VPS13D: variants seen among roughly 807,000 people sequenced by gnomAD.
The protein encoded by VPS13D is intermembrane lipid transfer protein VPS13D.
A neutral mutation model predicts 461.9 loss-of-function variants in VPS13D; 187 were observed. The ratio of observed to expected loss-of-function variants is 0.40; its 90% CI spans 0.36 to 0.46. VPS13D has a LOEUF of 0.46. Ranked by LOEUF, VPS13D falls within the 20% of genes least tolerant of loss-of-function variation. The pLI is 0.60. For synonymous variants in VPS13D, 1,951 were observed against 1,986.3 expected (o/e 0.98, Z 0.47); for missense variants, 4,711 against 5,364.9 (o/e 0.88, Z 3.81).
chr1:12,488,164 ATT>A (rs1176292316), intron 67 of VPS13D, among the ~76,000 whole-genome samples: 4 of 152,250 alleles, frequency 2.6e-5, no homozygotes, highest in Admixed American at 2.6e-4. Flanking sequence ...TCCAGATACA[ATT>A]TTAAATACTG....
At chr1:12,250,843 A>AGATCCCAGCCATGCTCATTAGT (rs1249421770) in intron 6 of VPS13D, among the ~76,000 whole-genome samples, 1 of 152,276 alleles carries the variant, frequency 6.6e-6, no homozygotes, top group African/African-American at 2.4e-5. Flanking sequence ...AAGGTTTATT[A>AGATCCCAGCCATGCTCATTAGT]GATCCCAGCC....
chr1:12,390,948 C>G (rs1319674232), intron 60 of VPS13D, among the ~76,000 whole-genome samples: 1 of 152,190 alleles, frequency 6.6e-6, no homozygotes, highest in African/African-American at 2.4e-5. Context: ...TCCTCCTCTG[C>G]TGAGGTCACC....
intron 2 of VPS13D, among the ~76,000 whole-genome samples, chr1:12,235,207 C>T (rs1294403162): frequency 6.6e-6 from 1 of 152,148 alleles, no homozygotes; most frequent in Non-Finnish European, 1.5e-5. Flanking sequence ...TGGACCAGAG[C>T]AGGTTAGAGA....
At chr1:12,242,738 C>CT (rs1640419166) in intron 3 of VPS13D, 148 bp downstream of exon 3, 3 of 679,254 alleles carry the variant, frequency 4.4e-6, no homozygotes, top group Admixed American at 2.8e-5. Context: ...AAAGTGTGGT[C>CT]TTTGGGCCAC....
intron 66 of VPS13D, 27 bp from the exon 67 acceptor site, chr1:12,460,174 T>G: frequency 6.5e-7 from 1 of 1,537,196 alleles, no homozygotes; most frequent in South Asian, 1.3e-5. Flanking sequence ...CTCGTCAGGT[T>G]ACAACAGCCC....
Position 12,319,508 on chromosome 1 carries a change from G to A in VPS13D, c.7426G>A (p.Val2476Met). ...GTTGTCCTTTCCAGGTACGGAGTTT[G>A]TGGTCATTGAAGATGTGTCCTGCTT... ...VKVNVTGTEF[V>M]VIEDVSCFDT... Residue 2476 changes from valine (V) to methionine (M), a missense_variant, in exon 32 of 70, where the codon GTG (valine) becomes ATG (methionine). Val to Met is a conservative substitution (Grantham distance 21, BLOSUM62 1). This residue lies in a region of VPS13D where 4,411 missense variants were observed against 4,937.8 expected (regional missense o/e 0.89). Transcript: ENST00000620676. 6.2e-7 allele frequency: 1 copy of A among 1,614,104 alleles called. No homozygotes were observed. Among genetic ancestry groups the A allele is most frequent in the Non-Finnish European group, 8.5e-7 (1 of 1,179,978 alleles).
chr1:12,267,780 G>C, intron 14 of VPS13D, 65 bp from the exon 15 acceptor site: 1 of 1,439,406 alleles, frequency 6.9e-7, no homozygotes, highest in Non-Finnish European at 9.8e-7. Context: ...GGTAAGATGG[G>C]TTTGTTTAGT....
intron 47 of VPS13D, among the ~76,000 whole-genome samples, chr1:12,355,581 A>AT (rs902653400): frequency 2.0e-5 from 3 of 151,474 alleles, no homozygotes; most frequent in South Asian, 2.1e-4. Flanking sequence ...TAAAAATTTA[A>AT]TTTTTTTTTG....
intron 13 of VPS13D, among the ~76,000 whole-genome samples, chr1:12,264,321 A>C (rs894707690): frequency 2.0e-5 from 3 of 152,236 alleles, no homozygotes; most frequent in Non-Finnish European, 4.4e-5. Context: ...CTCTCACTTT[A>C]AATCAAAAGC....
intron 67 of VPS13D, among the ~76,000 whole-genome samples, chr1:12,489,826 C>G (rs1011141351): frequency 6.6e-6 from 1 of 152,164 alleles, no homozygotes; most frequent in African/African-American, 2.4e-5. Context: ...CCATCATTAC[C>G]CCCACTTTAT....
rs757777155 is a variant in VPS13D at position 12,273,128 on chromosome 1, C to T, written c.2229C>T (p.Asn743=). The T allele has an allele frequency of 6.2e-7, 1 of 1,613,854 alleles. No homozygotes were observed. Among genetic ancestry groups the T allele is most frequent in the Admixed American group, 1.7e-5 (1 of 59,988 alleles). Residue 743 remains asparagine, a synonymous_variant, in exon 18 of 70, where the codon AAC becomes AAT. Coordinates refer to ENST00000620676, the MANE Select transcript of VPS13D (RefSeq NM_015378.4). ...ATCTAGGAAGAATGCTTTTGACGAA[C>T]ACCCAAGGTATAGTGTGAGTGGGAA... The part of the protein sequence containing the change: ...VVDLGRMLLT[N]TQDNSRRKSR...
At position 12,416,831 on chromosome 1, in the gene VPS13D, A is replaced by C; in HGVS notation, c.12333+4A>C. 1.2e-6 allele frequency: 2 copies of C among 1,606,400 alleles called. No individual in the cohort carries two copies. The highest frequency in any genetic ancestry group is 1.7e-6 in the Non-Finnish European group (2 of 1,177,208). ...AGTATCAAACTCTGCTGCCAAGGTA[A>C]GGAAATAGAGGTGAAATTCCATTAT... On this transcript the variant is annotated splice_donor_region_variant and intron_variant, in intron 65 of 69. Transcript: ENST00000620676.
chr1:12,368,243 C>A (rs533804366), intron 52 of VPS13D, among the ~76,000 whole-genome samples: 1 of 152,118 alleles, frequency 6.6e-6, no homozygotes, highest in Non-Finnish European at 1.5e-5. Flanking sequence ...AGAATATCAG[C>A]GTATAAATGT....
At chr1:12,331,603 T>C (rs1643333600) in intron 37 of VPS13D, among the ~76,000 whole-genome samples, 1 of 150,204 alleles carries the variant, frequency 6.7e-6, no homozygotes, top group African/African-American at 2.5e-5. Context: ...TCCCAGCTAC[T>C]CGGGAGGCTG....
intron 65 of VPS13D, among the ~76,000 whole-genome samples, chr1:12,433,211 C>G (rs917860857): frequency 6.6e-6 from 1 of 151,622 alleles, no homozygotes; most frequent in African/African-American, 2.4e-5. Context: ...AGTAGGTGCT[C>G]GAAACCTTTG....
At chr1:12,402,709 A>G (rs947847010) in intron 62 of VPS13D, 1 of 152,198 alleles carries the variant, frequency 6.6e-6, no homozygotes, top group East Asian at 1.9e-4. Context: ...CCAGGTATCC[A>G]TTCTGTTTTG....
chr1:12,361,033 C>A (rs1643939621), intron 50 of VPS13D, among the ~76,000 whole-genome samples: 1 of 152,130 alleles, frequency 6.6e-6, no homozygotes, highest in African/African-American at 2.4e-5. Context: ...GGACTTGAAT[C>A]CCAGTTATGG....
At chr1:12,364,351 A>T (rs1643999045) in intron 52 of VPS13D, among the ~76,000 whole-genome samples, 1 of 152,176 alleles carries the variant, frequency 6.6e-6, no homozygotes, top group East Asian at 1.9e-4. Flanking sequence ...ACTTAGCATA[A>T]TATTGTCAAT....
At chr1:12,259,777 T>C (rs1005782757) in intron 10 of VPS13D, among the ~76,000 whole-genome samples, 2 of 152,194 alleles carry the variant, frequency 1.3e-5, no homozygotes, top group African/African-American at 4.8e-5. Flanking sequence ...GGTATCATGG[T>C]TCTTTCCTAA....
Sources: gnomAD v4.1 joint callset for allele counts (sites outside exome capture counted in the v4.1 genomes callset) on GRCh38, gnomAD v4.1.1 for gene constraint, gnomAD v4.1.1 regional missense constraint, MANE v1.5 for transcripts, NCBI Gene and HGNC (gene_info 2026-07-23, HGNC 2026-07-21) for gene names.